The following ARID1B variants were observed in gnomAD, a reference collection of about 807,000 sequenced individuals.
The protein encoded by ARID1B is AT-rich interactive domain-containing protein 1B.
ARID1B carries 30 observed loss-of-function variants against 212.3 expected under a neutral mutation model. The ratio of observed to expected loss-of-function variants is 0.14; its 90% CI spans 0.11 to 0.19. ARID1B has a LOEUF of 0.19. ARID1B is among the 10% of genes least tolerant of loss of function. The pLI, the probability that ARID1B is intolerant of heterozygous loss-of-function variation, is 1.00. For missense variants in ARID1B, 2,891 were observed against 3,204.0 expected (o/e 0.90, Z 2.36); for synonymous variants, 1,402 against 1,301.7 (o/e 1.08, Z -1.66).
intron 3 of ARID1B, among the ~76,000 whole-genome samples, chr6:156,929,731 G>A (rs1370401858): frequency 6.6e-6 from 1 of 152,078 alleles, no homozygotes; most frequent in Non-Finnish European, 1.5e-5. Flanking sequence ...AGACACCATG[G>A]AGGCTCTGTT....
intron 4 of ARID1B, among the ~76,000 whole-genome samples, chr6:156,967,188 ACTGT>A (rs1794827165): frequency 6.6e-6 from 1 of 152,212 alleles, no homozygotes; most frequent in Admixed American, 6.5e-5. Flanking sequence ...TAGTATTCTT[ACTGT>A]CTTTCAAAAT....
chr6:157,190,954 G>A lies in ARID1B; in HGVS notation c.4231+744G>A, dbSNP rs1318482545. 1.3e-5 allele frequency among the ~76,000 whole-genome samples: 2 copies of A among 151,996 alleles called. No individual in the cohort carries two copies. Among genetic ancestry groups the A allele is most frequent in the Admixed American group, 1.3e-4 (2 of 15,270 alleles). On this transcript the variant is annotated intron_variant, in intron 15 of 19. Coordinates refer to ENST00000636930, the MANE Select transcript of ARID1B (RefSeq NM_001374828.1). The surrounding 1 kb of genome is among the most constrained non-coding windows in gnomAD (Gnocchi z 4.6). ...CTTGGTGTATGAGGAGGTGGTGGGT[G>A]TCCAGAGCACAGTGAGCATGGGCCC... is the stretch of plus-strand genomic sequence containing the variant.
chr6:157,195,386 A>T (rs961516073), intron 15 of ARID1B: 2 of 152,196 alleles, frequency 1.3e-5, no homozygotes, highest in Admixed American at 1.3e-4. Context: ...CTAACACGTG[A>T]TCCCCCTCCA....
chr6:156,794,570 CTTTTTT>C (rs34848808), intron 1 of ARID1B, among the ~76,000 whole-genome samples: 2 of 67,976 alleles, frequency 2.9e-5, no homozygotes, highest in Non-Finnish European at 5.1e-5. Context: ...CTGGCACATT[CTTTTTT>C]TTTTTTTTTT....
At chr6:156,915,706 G>A (rs1009894454) in intron 3 of ARID1B, among the ~76,000 whole-genome samples, 45 of 152,106 alleles carry the variant, frequency 3.0e-4, no homozygotes, top group Admixed American at 3.3e-4. Context: ...GACTAGCCTG[G>A]CCAACATGGT....
At chr6:157,036,498 C>T (rs1211279669) in intron 4 of ARID1B, 2 of 251,206 alleles carry the variant, frequency 8.0e-6, no homozygotes, top group Non-Finnish European at 1.6e-5. Flanking sequence ...GACCAAAAGG[C>T]ATATGCAACA....
At chr6:157,153,707 C>T (rs1790361629) in intron 8 of ARID1B, among the ~76,000 whole-genome samples, 1 of 152,194 alleles carries the variant, frequency 6.6e-6, no homozygotes, top group Admixed American at 6.5e-5. Context: ...TTTAATATAG[C>T]TCACTACAAC....
chr6:156,778,091 C>A lies in ARID1B; in HGVS notation c.411C>A (p.Gly137=), dbSNP rs1778776689. 6.5e-7 allele frequency: 1 copy of A among 1,540,558 alleles called. No individual in the cohort carries two copies. The highest frequency in any genetic ancestry group is 1.2e-5 in the South Asian group (1 of 83,972). Residue 137 remains glycine (G), a synonymous_variant, in exon 1 of 20, where the codon GGC becomes GGA. Transcript: ENST00000636930. ...CGGCATCCTCTTCCTCCTCGTCGGG[C>A]CCGGGCTCGGCCATGGAGACGGGGC... ...AAAASSSSSS[G]PGSAMETGLL... is the part of the protein sequence containing the mutation.
chr6:156,834,730 C>T (rs1433128070), intron 2 of ARID1B, among the ~76,000 whole-genome samples: 7 of 152,136 alleles, frequency 4.6e-5, no homozygotes, highest in Admixed American at 3.9e-4. Flanking sequence ...GTTTGGAGGC[C>T]CTTCAGCAGA....
At chr6:156,779,646 G>C in intron 1 of ARID1B, 175 bp downstream of exon 1, 4 of 532,268 alleles carry the variant, frequency 7.5e-6, no homozygotes, top group Non-Finnish European at 1.0e-5. Flanking sequence ...GGCGCCCCGG[G>C]GGCCGGCGCG....
At chr6:156,915,460 C>T (rs1228310925) in intron 3 of ARID1B, among the ~76,000 whole-genome samples, 1 of 151,476 alleles carries the variant, frequency 6.6e-6, no homozygotes, top group Non-Finnish European at 1.5e-5. Context: ...CTCAGCTACT[C>T]AGGAGGCTGA....
chr6:157,099,511 A>G (rs991547544), intron 5 of ARID1B, among the ~76,000 whole-genome samples: 2 of 152,090 alleles, frequency 1.3e-5, no homozygotes, highest in Admixed American at 6.6e-5. Flanking sequence ...CATGCGAAAA[A>G]CATTGTGTAG....
At chr6:156,954,548 A>G (rs1793817626) in intron 4 of ARID1B, among the ~76,000 whole-genome samples, 1 of 152,198 alleles carries the variant, frequency 6.6e-6, no homozygotes, top group Non-Finnish European at 1.5e-5. Context: ...AACTGCTACT[A>G]AAACATCATT....
chr6:157,182,538 A>G (rs1302241264), intron 12 of ARID1B, among the ~76,000 whole-genome samples: 3 of 151,994 alleles, frequency 2.0e-5, no homozygotes, highest in Non-Finnish European at 4.4e-5. Flanking sequence ...GGGGTCACTA[A>G]CTATCCAAGG....
chr6:156,946,014 C>T (rs117247382), intron 4 of ARID1B, among the ~76,000 whole-genome samples: 2,722 of 151,910 alleles, frequency 0.018, 40 homozygotes, highest in Non-Finnish European at 0.03. Flanking sequence ...GTCTCAACAA[C>T]GACAAAGGTG....
At chr6:157,146,954 T>C (rs1265878756) in intron 7 of ARID1B, among the ~76,000 whole-genome samples, 1 of 152,146 alleles carries the variant, frequency 6.6e-6, no homozygotes, top group Non-Finnish European at 1.5e-5. Flanking sequence ...TCAGTACTAA[T>C]CTTCTAGCTC....
intron 4 of ARID1B, among the ~76,000 whole-genome samples, chr6:157,038,166 C>A (rs1781457654): frequency 6.6e-6 from 1 of 152,028 alleles, no homozygotes. Flanking sequence ...ACTCTGATTT[C>A]ATTTTCATAT....
At chr6:157,162,384 T>C (rs1490755774) in intron 8 of ARID1B, among the ~76,000 whole-genome samples, 1 of 152,248 alleles carries the variant, frequency 6.6e-6, no homozygotes. Context: ...AAACTGGTGT[T>C]TGCTTTGGGC....
rs1403064682 is a variant in ARID1B at position 157,209,025 on chromosome 6, C to CA, written c.*1140dup. ...TTTAGAAAATGGTTACCAGTACAGT[C>CA]AAAAAAGAGAAAATGAAAAAAATAC... On this transcript the variant is annotated 3_prime_UTR_variant, in exon 20 of 20. Coordinates refer to ENST00000636930, the MANE Select transcript of ARID1B (RefSeq NM_001374828.1). 2 of 216,674 alleles carry CA rather than the reference C, an allele frequency of 9.2e-6. No individual in the cohort carries two copies. Among genetic ancestry groups the CA allele is most frequent in the African/African-American group, 2.4e-5 (1 of 41,532 alleles). 13.4% of individuals were successfully genotyped at this position (216,674 alleles called of 1,614,324 possible).
Sources: allele counts gnomAD v4.1 joint callset (sites outside exome capture counted in the v4.1 genomes callset), GRCh38; gene constraint gnomAD v4.1.1; non-coding constraint Gnocchi (gnomAD v3.1); transcripts MANE v1.5; gene names NCBI Gene and HGNC (gene_info 2026-07-23, HGNC 2026-07-21).